Variants in KDM4C observed in about 807,000 individuals in gnomAD.
The protein encoded by KDM4C is lysine demethylase 4C.
A neutral mutation model predicts 129.3 loss-of-function variants in KDM4C; 81 were observed. The ratio of observed to expected loss-of-function variants is 0.63; its 90% CI spans 0.52 to 0.75. KDM4C has a LOEUF of 0.75. Ranked by LOEUF, KDM4C falls within the 30% of genes least tolerant of loss-of-function variation. KDM4C has a pLI of 0.00. For missense variants in KDM4C, 1,457 were observed against 1,304.0 expected (o/e 1.12, Z -1.81); for synonymous variants, 573 against 456.1 (o/e 1.26, Z -3.26).
intron 1 of KDM4C, among the ~76,000 whole-genome samples, chr9:6,771,080 CTTTTTTTTTTTTTTTTTTT>C (rs35945405): frequency 5.3e-5 from 3 of 56,952 alleles, no homozygotes; most frequent in Non-Finnish European, 9.4e-5. Context: ...GACTGTGAAT[CTTTTTTTTTTTTTTTTTTT>C]TTTTTTTTTT....
At chr9:6,929,401 T>A (rs10975907) in intron 8 of KDM4C, among the ~76,000 whole-genome samples, 51,105 of 151,794 alleles carry the variant, frequency 0.34, 8,925 homozygotes, top group South Asian at 0.48. Context: ...CAAATTAATA[T>A]CAGCTAACAT....
intron 1 of KDM4C, among the ~76,000 whole-genome samples, chr9:6,731,325 C>CTTT (rs34724329): frequency 0.083 from 9,461 of 113,832 alleles, 863 homozygotes; most frequent in Non-Finnish European, 0.12. Flanking sequence ...TTTTTTTTTG[C>CTTT]TTTTTTTTTT....
intron 8 of KDM4C, among the ~76,000 whole-genome samples, chr9:6,898,575 C>T (rs7043480): frequency 3.9e-5 from 6 of 152,142 alleles, no homozygotes; most frequent in African/African-American, 4.8e-5. Context: ...TACTACCTTA[C>T]TATCTAATTT....
At chr9:6,984,472 G>A (rs1309473265) in intron 10 of KDM4C, 68 bp downstream of exon 10, 2 of 1,008,954 alleles carry the variant, frequency 2.0e-6, no homozygotes, top group African/African-American at 3.2e-5. Context: ...GTCTTAAATG[G>A]ATGTTCACTA....
At chr9:6,885,341 T>C (rs1845093153) in intron 6 of KDM4C, among the ~76,000 whole-genome samples, 1 of 152,248 alleles carries the variant, frequency 6.6e-6, no homozygotes, top group Non-Finnish European at 1.5e-5. Context: ...TTACATTGTA[T>C]GTGAAACATC....
chr9:7,146,749 C>T (rs751870232), intron 19 of KDM4C, among the ~76,000 whole-genome samples: 3 of 152,290 alleles, frequency 2.0e-5, no homozygotes, highest in Middle Eastern at 3.4e-3. Flanking sequence ...TGGCCTCAGG[C>T]GAGTCACTCT....
intron 1 of KDM4C, among the ~76,000 whole-genome samples, chr9:6,791,934 A>C (rs1826725784): frequency 6.6e-6 from 1 of 152,208 alleles, no homozygotes; most frequent in African/African-American, 2.4e-5. Flanking sequence ...AGGCAGGAGA[A>C]TCACTGGAAC....
rs151194481 is a variant in KDM4C at position 7,100,681 on chromosome 9, G to A, written c.2425-3004G>A. 3.6e-3 allele frequency among the ~76,000 whole-genome samples: 548 copies of A among 152,222 alleles called. 3 individuals are homozygous for A. The highest frequency in any genetic ancestry group is 0.011 in the African/African-American group (469 of 41,558). ...CATCATGTTAAAAACATTCTGAGTG[G>A]CACTGTTTTTAAAATAATTACCTCA... On this transcript the variant is annotated intron_variant, in intron 17 of 21. Transcript: ENST00000381309.
At chr9:6,723,285 G>C (rs927516217) in intron 1 of KDM4C, among the ~76,000 whole-genome samples, 1 of 152,096 alleles carries the variant, frequency 6.6e-6, no homozygotes, top group Non-Finnish European at 1.5e-5. Flanking sequence ...TGAGGTATGA[G>C]AATTCCTTGA....
chr9:6,984,833 G>A (rs913156723), intron 10 of KDM4C, among the ~76,000 whole-genome samples: 9 of 151,998 alleles, frequency 5.9e-5, no homozygotes, highest in African/African-American at 2.2e-4. Context: ...ATAATGAAAA[G>A]TCAACCTAGT....
intron 5 of KDM4C, among the ~76,000 whole-genome samples, chr9:6,865,217 C>T (rs1448170467): frequency 6.6e-6 from 1 of 151,992 alleles, no homozygotes; most frequent in African/African-American, 2.4e-5. Flanking sequence ...ACCGTGTTTG[C>T]CAGGATGGTC....
rs947881330 is a variant in KDM4C, at chr9:6,805,787, A to G, written c.320+13A>G. 9.1e-5 allele frequency: 146 copies of G among 1,602,936 alleles called. No homozygotes were observed. The highest frequency in any genetic ancestry group is 1.2e-4 in the Non-Finnish European group (136 of 1,174,544). The stretch of plus-strand genomic sequence containing the variant: ...CCAACAGTGGCAAGTGAGTAGAATC[A>G]GTTTGCTATTTCTGTTTCCTTCAAA... On this transcript the variant is annotated intron_variant, in intron 3 of 21. Coordinates refer to ENST00000381309, the MANE Select transcript of KDM4C (RefSeq NM_015061.6).
At chr9:6,874,931 T>TA (rs34854547) in intron 5 of KDM4C, among the ~76,000 whole-genome samples, 4,720 of 133,034 alleles carry the variant, frequency 0.035, 167 homozygotes, top group East Asian at 0.11. Flanking sequence ...TCTCTACAGT[T>TA]AAAAAAAAAA....
chr9:6,986,425 C>A lies in KDM4C; in HGVS notation c.1436C>A (p.Ser479Tyr). 6.2e-7 allele frequency: 1 copy of A among 1,613,980 alleles called. No individual in the cohort carries two copies. Among genetic ancestry groups the A allele is most frequent in the East Asian group, 2.2e-5 (1 of 44,884 alleles). ...DKAYAYRSVP[S>Y]ISSEADDSIP... is the part of the protein sequence containing the mutation. ...GCTTATGCATATAGAAGTGTACCTT[C>A]TATATCCAGTGAGGCTGATGATTCC... Residue 479 changes from serine to tyrosine, a missense_variant, in exon 11 of 22, where the codon TCT becomes TAT. Ser to Tyr is a moderately radical substitution (Grantham distance 144). Transcript: ENST00000381309.
chr9:6,766,481 G>C (rs1168264647), intron 1 of KDM4C, among the ~76,000 whole-genome samples: 1 of 150,902 alleles, frequency 6.6e-6, no homozygotes, highest in Non-Finnish European at 1.5e-5. Flanking sequence ...TCTCGGTGTG[G>C]GACATTTTAG....
At chr9:6,978,737 T>G (rs1589427464) in intron 8 of KDM4C, 2 of 148,096 alleles carry the variant, frequency 1.4e-5, no homozygotes, top group South Asian at 4.6e-4. Flanking sequence ...AGCTCTCTCC[T>G]GGATAACCAC....
chr9:7,166,692 C>T (rs1280336769), intron 20 of KDM4C, among the ~76,000 whole-genome samples: 1 of 152,032 alleles, frequency 6.6e-6, no homozygotes, highest in East Asian at 1.9e-4. Flanking sequence ...ATAATAAGTG[C>T]AAAAGCAAAG....
intron 17 of KDM4C, among the ~76,000 whole-genome samples, chr9:7,069,162 T>C (rs1832859402): frequency 1.3e-5 from 2 of 152,204 alleles, no homozygotes; most frequent in Admixed American, 6.5e-5. Context: ...AAGTGCTCAA[T>C]AAATATTCCT....
At chr9:7,069,207 A>G (rs1832868608) in intron 17 of KDM4C, among the ~76,000 whole-genome samples, 1 of 152,232 alleles carries the variant, frequency 6.6e-6, no homozygotes, top group African/African-American at 2.4e-5. Flanking sequence ...CACTACTAAT[A>G]CCATTACAAC....
Sources: gnomAD v4.1 joint callset for allele counts (sites outside exome capture counted in the v4.1 genomes callset) on GRCh38, gnomAD v4.1.1 for gene constraint, MANE v1.5 for transcripts, NCBI Gene and HGNC (gene_info 2026-07-23, HGNC 2026-07-21) for gene names.